Variants in VPS13B observed in about 807,000 individuals in gnomAD.
The protein encoded by VPS13B is intermembrane lipid transfer protein VPS13B.
A neutral mutation model predicts 426.4 loss-of-function variants in VPS13B; 285 were observed. That is an observed-to-expected ratio of 0.67 (90% CI 0.61 to 0.74). The LOEUF (loss-of-function observed/expected upper bound fraction) is 0.74. VPS13B is among the 30% of genes least tolerant of loss of function. VPS13B has a pLI of 0.00. For synonymous variants in VPS13B, 1,676 were observed against 1,676.4 expected (o/e 1.00, Z 0.01); for missense variants, 4,537 against 4,782.6 (o/e 0.95, Z 1.51).
intron 25 of VPS13B, among the ~76,000 whole-genome samples, chr8:99,497,926 G>A (rs968817844): frequency 6.6e-6 from 1 of 151,976 alleles, no homozygotes; most frequent in Non-Finnish European, 1.5e-5. Context: ...TATTCAGAAT[G>A]TAGAAATCAT....
chr8:99,040,107 G>A (rs1842910344), intron 3 of VPS13B, among the ~76,000 whole-genome samples: 1 of 151,734 alleles, frequency 6.6e-6, no homozygotes, highest in East Asian at 1.9e-4. Context: ...AAAAAATCCA[G>A]ACACTTAAGT....
At chr8:99,568,364 C>T (rs1825297670) in intron 31 of VPS13B, among the ~76,000 whole-genome samples, 1 of 151,068 alleles carries the variant, frequency 6.6e-6, no homozygotes, top group Non-Finnish European at 1.5e-5. Context: ...AATCTCGTCT[C>T]ACTGCAGCCT....
At chr8:99,801,354 C>G (rs1463128905) in intron 43 of VPS13B, among the ~76,000 whole-genome samples, 1 of 152,166 alleles carries the variant, frequency 6.6e-6, no homozygotes, top group African/African-American at 2.4e-5. Flanking sequence ...AGTTAATTTT[C>G]TAAATTCTGT....
At chr8:99,234,998 A>G (rs1280433739) in intron 17 of VPS13B, among the ~76,000 whole-genome samples, 1 of 152,232 alleles carries the variant, frequency 6.6e-6, no homozygotes, top group Non-Finnish European at 1.5e-5. Flanking sequence ...AAATTAGATC[A>G]TCTAGAACAC....
intron 3 of VPS13B, among the ~76,000 whole-genome samples, chr8:99,081,644 A>C (rs550479584): frequency 7.4e-6 from 1 of 134,804 alleles, no homozygotes; most frequent in South Asian, 2.7e-4. Flanking sequence ...CCGGTGTGTG[A>C]TGTTCCGCGT....
chr8:99,243,880 A>C (rs550917159), intron 17 of VPS13B, among the ~76,000 whole-genome samples: 1 of 152,342 alleles, frequency 6.6e-6, no homozygotes, highest in African/African-American at 2.4e-5. Context: ...AGCACATGTC[A>C]TCAATCCTGA....
At chr8:99,478,447 G>GTTTTTT (rs56261645) in intron 24 of VPS13B, among the ~76,000 whole-genome samples, 485 of 85,598 alleles carry the variant, frequency 5.7e-3, no homozygotes, top group African/African-American at 9.2e-3. Flanking sequence ...TTTTTGTTTT[G>GTTTTTT]TTTTTTTTTT....
At position 99,474,576 on chromosome 8, in the gene VPS13B, T is replaced by G. The variant is rs558193867; in HGVS notation, c.3666+6942T>G. Among the ~76,000 whole-genome samples the G allele has an allele frequency of 4.6e-5, 7 of 152,266 alleles. No individual in the cohort carries two copies. In the East Asian group the frequency reaches 1.4e-3, roughly 29 times the overall value. On this transcript the variant is annotated intron_variant, in intron 24 of 61. Coordinates refer to ENST00000357162, the MANE Select transcript of VPS13B (RefSeq NM_152564.5). ...TGGGGAAAAGACTTGAGCAGATACT[T>G]CACAAAATACTTATTTGAATAGTCA... is the stretch of plus-strand genomic sequence containing the variant.
At chr8:99,111,629 A>G (rs1847373923) in intron 6 of VPS13B, among the ~76,000 whole-genome samples, 1 of 152,044 alleles carries the variant, frequency 6.6e-6, no homozygotes, top group Non-Finnish European at 1.5e-5. Flanking sequence ...TTCAGTTCTT[A>G]TAATCTGTTC....
intron 19 of VPS13B, among the ~76,000 whole-genome samples, chr8:99,351,431 A>AGTGTGT (rs1476078907): frequency 8.5e-4 from 125 of 147,620 alleles, no homozygotes; most frequent in African/African-American, 2.5e-3. Flanking sequence ...AGAGAGAGAG[A>AGTGTGT]GAGAGTGTGT....
chr8:99,667,372 G>A (rs752694849), intron 35 of VPS13B, among the ~76,000 whole-genome samples: 1 of 152,066 alleles, frequency 6.6e-6, no homozygotes, highest in Non-Finnish European at 1.5e-5. Flanking sequence ...GATATTTTGG[G>A]GAACAGGACA....
At chr8:99,395,871 T>C (rs975759198) in intron 21 of VPS13B, among the ~76,000 whole-genome samples, 8 of 152,040 alleles carry the variant, frequency 5.3e-5, no homozygotes, top group African/African-American at 1.9e-4. Flanking sequence ...TTACAAGAAG[T>C]TGGACACATT....
chr8:99,520,872 T>C, intron 29 of VPS13B, 27 bp from the exon 30 acceptor site: 1 of 1,576,924 alleles, frequency 6.3e-7, no homozygotes, highest in East Asian at 2.2e-5. Flanking sequence ...CCACAGTGTA[T>C]TCATGAATCT....
chr8:99,428,044 C>T (rs1320283566), intron 21 of VPS13B, among the ~76,000 whole-genome samples: 1 of 152,120 alleles, frequency 6.6e-6, no homozygotes, highest in African/African-American at 2.4e-5. Flanking sequence ...GGAAACAATT[C>T]CCCATTTAAT....
At chr8:99,729,490 GA>G (rs1263869041) in intron 39 of VPS13B, among the ~76,000 whole-genome samples, 1 of 152,172 alleles carries the variant, frequency 6.6e-6, no homozygotes. Context: ...ACACACATGA[GA>G]TAGTTTCTTA....
chr8:99,844,551 A>C (rs1048014021), intron 54 of VPS13B, among the ~76,000 whole-genome samples: 2 of 151,846 alleles, frequency 1.3e-5, no homozygotes, highest in Admixed American at 1.3e-4. Flanking sequence ...TATTTTTAGG[A>C]GAGATGAGGT....
At chr8:99,079,962 T>A (rs1160874050) in intron 3 of VPS13B, among the ~76,000 whole-genome samples, 1 of 151,348 alleles carries the variant, frequency 6.6e-6, no homozygotes, top group Admixed American at 6.6e-5. Context: ...TTAAAAAAAT[T>A]GCCTGTTCAA....
At chr8:99,041,746 G>A (rs1429773382) in intron 3 of VPS13B, among the ~76,000 whole-genome samples, 2 of 151,934 alleles carry the variant, frequency 1.3e-5, no homozygotes, top group Non-Finnish European at 2.9e-5. Context: ...CCAGCTACTC[G>A]GGAGGCTGAG....
intron 35 of VPS13B, among the ~76,000 whole-genome samples, chr8:99,694,881 G>A (rs1831881664): frequency 6.6e-6 from 1 of 151,906 alleles, no homozygotes; most frequent in Non-Finnish European, 1.5e-5. Flanking sequence ...TCAAAAAGTG[G>A]GCAAAGGACA....
Sources: gnomAD v4.1 joint callset for allele counts (sites outside exome capture counted in the v4.1 genomes callset) on GRCh38, gnomAD v4.1.1 for gene constraint, MANE v1.5 for transcripts, NCBI Gene and HGNC (gene_info 2026-07-23, HGNC 2026-07-21) for gene names.